Variants in SLC37A3 observed in about 807,000 individuals in gnomAD.
SLC37A3 encodes solute carrier family 37 member 3.
In SLC37A3, 51 loss-of-function variants were observed where a neutral mutation model predicts 67.1. The ratio of observed to expected loss-of-function variants is 0.76; its 90% CI spans 0.61 to 0.96. SLC37A3 has a LOEUF of 0.96. Ranked by LOEUF, SLC37A3 falls within the 40% of genes least tolerant of loss-of-function variation. SLC37A3 has a pLI of 0.00. For missense variants in SLC37A3, 508 were observed against 603.0 expected (o/e 0.84, Z 1.65); for synonymous variants, 214 against 231.4 (o/e 0.92, Z 0.68).
At chr7:140,395,388 A>T (rs1412495359) in intron 1 of SLC37A3, among the ~76,000 whole-genome samples, 1 of 119,406 alleles carries the variant, frequency 8.4e-6, no homozygotes, top group Non-Finnish European at 1.8e-5. Flanking sequence ...TTAAAAAAAA[A>T]AAAAAAAAAA....
chr7:140,344,766 TAATA>T (rs1048031935), intron 12 of SLC37A3, among the ~76,000 whole-genome samples: 3 of 152,138 alleles, frequency 2.0e-5, no homozygotes, highest in Non-Finnish European at 2.9e-5. Flanking sequence ...AATAAATAAA[TAATA>T]AATAAAGTAA....
At chr7:140,382,067 T>TA (rs532801045) in intron 2 of SLC37A3, among the ~76,000 whole-genome samples, 117 of 109,992 alleles carry the variant, frequency 1.1e-3, no homozygotes, top group African/African-American at 3.0e-3. Context: ...AAGTACAAAA[T>TA]AAAAAAAAAA....
chr7:140,351,404 T>A lies in SLC37A3; in HGVS notation c.751A>T (p.Arg251Trp). ...TTTTCACCACCATTAATTAATGGCC[T>A]GTGTGAGTCTTCTTCAAAGTTTTCT... ...AEENFEEDSH[R>W]PLINGGENED... Residue 251 changes from arginine (R) to tryptophan (W), a missense_variant, in exon 9 of 15, where the codon AGG (arginine) becomes TGG (tryptophan). By Grantham distance (101) the Arg-to-Trp change is moderately radical. Transcript: ENST00000326232. 6.2e-7 allele frequency: 1 copy of A among 1,614,210 alleles called. No individual in the cohort carries two copies. The highest frequency in any genetic ancestry group is 8.5e-7 in the Non-Finnish European group (1 of 1,180,038).
chr7:140,364,343 T>C (rs1398301303), intron 5 of SLC37A3, 65 bp downstream of exon 5: 1 of 1,401,306 alleles, frequency 7.1e-7, no homozygotes. Context: ...TACAGAGAAG[T>C]AGGGAGATTA....
chr7:140,343,697 A>G (rs1336573950), intron 12 of SLC37A3, 134 bp from the exon 13 acceptor site: 12 of 869,094 alleles, frequency 1.4e-5, no homozygotes, highest in Middle Eastern at 6.9e-4. Context: ...ACCCCCAGAT[A>G]GTATCATTTT....
intron 1 of SLC37A3, among the ~76,000 whole-genome samples, chr7:140,394,402 A>C (rs1003502857): frequency 1.3e-5 from 2 of 151,784 alleles, no homozygotes; most frequent in Non-Finnish European, 2.9e-5. Context: ...AGGATCACTT[A>C]AGCTCAAGAG....
intron 5 of SLC37A3, among the ~76,000 whole-genome samples, chr7:140,362,813 C>A (rs1436421520): frequency 5.7e-4 from 31 of 53,992 alleles, no homozygotes; most frequent in Admixed American, 1.2e-3. Flanking sequence ...CGCCCCGTCC[C>A]GGAGGTGAGG....
At chr7:140,338,672 A>T (rs190326343) in intron 13 of SLC37A3, among the ~76,000 whole-genome samples, 2 of 152,074 alleles carry the variant, frequency 1.3e-5, no homozygotes, top group Non-Finnish European at 2.9e-5. Context: ...AGGTTTCACC[A>T]CATTGCCCAG....
intron 1 of SLC37A3, among the ~76,000 whole-genome samples, chr7:140,388,988 G>A (rs1373146309): frequency 6.6e-6 from 1 of 152,096 alleles, no homozygotes; most frequent in Non-Finnish European, 1.5e-5. Context: ...CTATAACTGA[G>A]GAAATTATGA....
chr7:140,374,191 T>TA (rs1419879859), intron 3 of SLC37A3, among the ~76,000 whole-genome samples: 1 of 152,136 alleles, frequency 6.6e-6, no homozygotes, highest in African/African-American at 2.4e-5. Flanking sequence ...GATGGGTTGT[T>TA]ACAGAAAGAA....
intron 11 of SLC37A3, 30 bp from the exon 12 acceptor site, chr7:140,345,293 T>A: frequency 1.2e-5 from 20 of 1,605,968 alleles, no homozygotes; most frequent in Non-Finnish European, 1.3e-5. Context: ...CAAACCATGG[T>A]GGCTTGAAAA....
chr7:140,366,255 T>C (rs1271284788), intron 4 of SLC37A3, among the ~76,000 whole-genome samples: 1 of 152,114 alleles, frequency 6.6e-6, no homozygotes, highest in African/African-American at 2.4e-5. Context: ...CACCTGGTCC[T>C]AACTGAATTT....
chr7:140,386,375 G>C (rs927997482), intron 1 of SLC37A3, among the ~76,000 whole-genome samples: 1 of 151,778 alleles, frequency 6.6e-6, no homozygotes, highest in African/African-American at 2.4e-5. Context: ...CAGGAAAATA[G>C]TTTTAAACAT....
chr7:140,358,514 T>C (rs1797126665), intron 6 of SLC37A3, 126 bp downstream of exon 6: 3 of 1,331,676 alleles, frequency 2.3e-6, no homozygotes, highest in Admixed American at 3.8e-5. Context: ...CCTGAACAAC[T>C]CTGACTTGCT....
chr7:140,377,670 A>G (rs1347440523), intron 3 of SLC37A3, among the ~76,000 whole-genome samples: 1 of 152,174 alleles, frequency 6.6e-6, no homozygotes, highest in Non-Finnish European at 1.5e-5. Flanking sequence ...ACTTTTTAGG[A>G]TGCTATTTAG....
intron 1 of SLC37A3, among the ~76,000 whole-genome samples, chr7:140,394,939 C>T (rs1182011336): frequency 1.3e-5 from 2 of 151,922 alleles, no homozygotes; most frequent in Non-Finnish European, 2.9e-5. Flanking sequence ...AAAGCAATCT[C>T]TCTCAAACGA....
chr7:140,395,928 A>T (rs1798908363), intron 1 of SLC37A3, among the ~76,000 whole-genome samples: 1 of 151,378 alleles, frequency 6.6e-6, no homozygotes, highest in South Asian at 2.1e-4. Flanking sequence ...AGAATGTGGG[A>T]AATTATTAAA....
At chr7:140,395,087 G>C (rs1798865060) in intron 1 of SLC37A3, among the ~76,000 whole-genome samples, 2 of 151,964 alleles carry the variant, frequency 1.3e-5, no homozygotes, top group Admixed American at 6.6e-5. Flanking sequence ...CATTAAAAAA[G>C]AGCTATAAAG....
Position 140,334,313 on chromosome 7 carries a change from T to A in SLC37A3, c.*1099A>T, listed in dbSNP as rs965668775. 2 of 152,244 alleles carry A rather than the reference T, an allele frequency of 1.3e-5. No individual in the cohort carries two copies. Among genetic ancestry groups the A allele is most frequent in the African/African-American group, 4.8e-5 (2 of 41,462 alleles). The allele number at this position is 152,244 out of a possible 1,614,324, so 9.4% of individuals were successfully genotyped here. On this transcript the variant is annotated 3_prime_UTR_variant, in exon 15 of 15. Transcript: ENST00000326232. ...CTAAGTGTTCTGAGTACATTTAGGG[T>A]GGACGAGGCTAAGCTGTGGTGTCCA...
Sources: gnomAD v4.1 joint callset for allele counts (sites outside exome capture counted in the v4.1 genomes callset) on GRCh38, gnomAD v4.1.1 for gene constraint, MANE v1.5 for transcripts, NCBI Gene and HGNC (gene_info 2026-07-23, HGNC 2026-07-21) for gene names.